Variants in PDE4D observed in about 807,000 individuals in gnomAD.
The protein encoded by PDE4D is 3',5'-cyclic-AMP phosphodiesterase 4D.
Under a neutral mutation model 87.4 loss-of-function variants are expected in PDE4D, and 24 were observed. The ratio of observed to expected loss-of-function variants is 0.27; its 90% confidence interval spans 0.20 to 0.39. PDE4D has a LOEUF of 0.39. Ranked by LOEUF, PDE4D falls within the 10% of genes least tolerant of loss-of-function variation. The pLI, the probability that PDE4D is intolerant of heterozygous loss-of-function variation, is 1.00. For synonymous variants in PDE4D, 384 were observed against 383.2 expected, an observed-to-expected ratio of 1.00 and a Z score of -0.02; for missense variants, 714 against 1,041.0, an observed-to-expected ratio of 0.69 and a Z score of 4.32.
intron 1 of PDE4D, among the ~76,000 whole-genome samples, chr5:59,355,490 G>A (rs1051012552): frequency 3.9e-5 from 6 of 152,084 alleles, no homozygotes; most frequent in African/African-American, 1.4e-4. Context: ...TTGATGTTAA[G>A]TTCTAAATGT....
intron 1 of PDE4D, among the ~76,000 whole-genome samples, chr5:59,254,935 T>C (rs751686187): frequency 6.6e-6 from 1 of 152,138 alleles, no homozygotes; most frequent in Non-Finnish European, 1.5e-5. Flanking sequence ...ACTACATCAA[T>C]AATGATGCAG....
intron 1 of PDE4D, among the ~76,000 whole-genome samples, chr5:60,296,473 G>A (rs954621198): frequency 6.6e-6 from 1 of 152,078 alleles, no homozygotes; most frequent in African/African-American, 2.4e-5. Context: ...CTTTTAAGAA[G>A]AGCCATATTT....
chr5:60,006,451 A>G (rs1764486258), intron 2 of PDE4D, among the ~76,000 whole-genome samples: 1 of 151,914 alleles, frequency 6.6e-6, no homozygotes, highest in African/African-American at 2.4e-5. Context: ...CTGCAAGCAG[A>G]AGAGTCACCA....
intron 1 of PDE4D, among the ~76,000 whole-genome samples, chr5:60,516,943 TC>T (rs1205824606): frequency 6.6e-6 from 1 of 152,042 alleles, no homozygotes; most frequent in African/African-American, 2.4e-5. Flanking sequence ...AGTCCTGCCC[TC>T]CTGGGCACAG....
chr5:59,044,186 T>C (rs1445081562), intron 5 of PDE4D, among the ~76,000 whole-genome samples: 1 of 152,202 alleles, frequency 6.6e-6, no homozygotes, highest in East Asian at 1.9e-4. Context: ...TGTAAAAGTG[T>C]TCCTATTTCT....
At chr5:60,052,437 C>A (rs181913208) in intron 2 of PDE4D, among the ~76,000 whole-genome samples, 3 of 152,218 alleles carry the variant, frequency 2.0e-5, no homozygotes, top group African/African-American at 7.2e-5. Flanking sequence ...ATGACAAAAA[C>A]CTCATGATTA....
intron 1 of PDE4D, among the ~76,000 whole-genome samples, chr5:59,270,228 T>G (rs1763565073): frequency 6.6e-6 from 1 of 152,194 alleles, no homozygotes; most frequent in African/African-American, 2.4e-5. Context: ...CTCAAAACCC[T>G]GAACCAACTT....
chr5:59,995,585 C>T (rs879716768), intron 2 of PDE4D, among the ~76,000 whole-genome samples: 4 of 152,300 alleles, frequency 2.6e-5, no homozygotes, highest in South Asian at 2.1e-4. Flanking sequence ...TCCCAAAGTG[C>T]TGGGATTACA....
At chr5:58,998,628 C>T (rs978364842) in intron 6 of PDE4D, among the ~76,000 whole-genome samples, 2 of 152,124 alleles carry the variant, frequency 1.3e-5, no homozygotes, top group Non-Finnish European at 1.5e-5. Flanking sequence ...CAAAGGGGAA[C>T]TTGTCCTTCA....
chr5:59,551,399 C>T (rs980331643), intron 1 of PDE4D, among the ~76,000 whole-genome samples: 12 of 150,804 alleles, frequency 8.0e-5, no homozygotes, highest in Admixed American at 4.0e-4. Flanking sequence ...TTTTCCCAAA[C>T]GATAGCTGTT....
intron 2 of PDE4D, among the ~76,000 whole-genome samples, chr5:59,993,762 T>C (rs1241134322): frequency 6.6e-6 from 1 of 152,024 alleles, no homozygotes; most frequent in Non-Finnish European, 1.5e-5. Flanking sequence ...TGATACAACA[T>C]TCACCTTGCT....
At chr5:59,351,683 T>A (rs1018779182) in intron 1 of PDE4D, among the ~76,000 whole-genome samples, 2 of 152,190 alleles carry the variant, frequency 1.3e-5, no homozygotes, top group Non-Finnish European at 2.9e-5. Flanking sequence ...TTTTCCTTTT[T>A]CTTCTTTTTA....
At chr5:59,954,590 C>T (rs1327012023) in intron 3 of PDE4D, among the ~76,000 whole-genome samples, 1 of 152,136 alleles carries the variant, frequency 6.6e-6, no homozygotes, top group Non-Finnish European at 1.5e-5. Context: ...CTAACTGTGG[C>T]ACCAGCATAT....
chr5:59,893,113 A>G (rs1268864366), intron 1 of PDE4D, 55 bp downstream of exon 1: 25 of 1,486,290 alleles, frequency 1.7e-5, no homozygotes, highest in Middle Eastern at 1.7e-4. Flanking sequence ...GGAGTATTTG[A>G]GAAAAGGGGA....
intron 1 of PDE4D, among the ~76,000 whole-genome samples, chr5:59,636,887 A>G (rs1054961033): frequency 2.6e-5 from 4 of 152,368 alleles, no homozygotes; most frequent in African/African-American, 9.6e-5. Flanking sequence ...TGGCAACGAA[A>G]GCCAAAATTG....
chr5:60,392,905 G>C (rs1264224207), intron 1 of PDE4D, among the ~76,000 whole-genome samples: 1 of 152,198 alleles, frequency 6.6e-6, no homozygotes, highest in African/African-American at 2.4e-5. Context: ...AGGGAAGATT[G>C]TAAACTTCTT....
At chr5:59,463,891 G>T (rs895599699) in intron 1 of PDE4D, among the ~76,000 whole-genome samples, 7 of 152,160 alleles carry the variant, frequency 4.6e-5, no homozygotes, top group Non-Finnish European at 1.0e-4. Flanking sequence ...CTTCTGCCTT[G>T]AGATTCTGTT....
chr5:58,999,716 G>A, intron 6 of PDE4D: 3 of 1,067,932 alleles, frequency 2.8e-6, no homozygotes, highest in Non-Finnish European at 3.4e-6. Flanking sequence ...CCATCCAGCC[G>A]TCTTCCCATC....
At chr5:59,995,725 T>C (rs1232640669) in intron 2 of PDE4D, among the ~76,000 whole-genome samples, 1 of 152,208 alleles carries the variant, frequency 6.6e-6, no homozygotes, top group Non-Finnish European at 1.5e-5. Flanking sequence ...GCCTTCAGCC[T>C]GACAACTGTA....
Sources: allele counts gnomAD v4.1 joint callset (sites outside exome capture counted in the v4.1 genomes callset), GRCh38; gene constraint gnomAD v4.1.1; transcripts MANE v1.5; gene names NCBI Gene and HGNC (gene_info 2026-07-23, HGNC 2026-07-21).